Variants in SLC2A14 observed in about 807,000 individuals in gnomAD.
SLC2A14 encodes solute carrier family 2, facilitated glucose transporter member 14.
In SLC2A14, 13 loss-of-function variants were observed where a neutral mutation model predicts 43.0. The ratio of observed to expected loss-of-function variants is 0.30; its 90% CI spans 0.20 to 0.48. SLC2A14 has a LOEUF of 0.48. Among genes scored for constraint, SLC2A14 ranks in the 20% least tolerant of loss-of-function variants. SLC2A14 has a pLI of 0.99. For synonymous variants in SLC2A14, 190 were observed against 233.8 expected, an observed-to-expected ratio of 0.81 and a Z score of 1.71; for missense variants, 428 against 620.4, an observed-to-expected ratio of 0.69 and a Z score of 3.29.
At chr12:7,826,881 CTTTCTTTCT>C (rs1864451797) in intron 7 of SLC2A14, among the ~76,000 whole-genome samples, 5 of 46,464 alleles carry the variant, frequency 1.1e-4, no homozygotes, top group South Asian at 6.4e-4. Context: ...TTCTTTCTTT[CTTTCTTTCT>C]TTCTTTCTTT....
chr12:7,890,870 A>T, intron 1 of SLC2A14: 1 of 1,078,312 alleles, frequency 9.3e-7, no homozygotes, highest in South Asian at 2.0e-5. Flanking sequence ...GGTGGCCTTG[A>T]CAGCCCCCAC....
intron 7 of SLC2A14, among the ~76,000 whole-genome samples, chr12:7,827,068 TC>T (rs1864540712): frequency 5.0e-5 from 4 of 79,512 alleles, no homozygotes; most frequent in African/African-American, 1.2e-4. Context: ...TTTCTTTCTC[TC>T]TCTCTCTTTC....
In SLC2A14 at chr12:7,830,349, C is replaced by G. The variant is rs1398757605; in HGVS notation, c.273-343G>C. Reference sequence around the variant, plus strand: ...TTGTATTTTAGTAGAGATGGGGTTTCACCATCTTGACCAGGCTGGTCTTTA... The same window carrying G: ...TTGTATTTTAGTAGAGATGGGGTTTGACCATCTTGACCAGGCTGGTCTTTA... On this transcript the variant is annotated intron_variant, in intron 4 of 10. Transcript: ENST00000431042. Among the ~76,000 whole-genome samples the G allele has an allele frequency of 3.3e-5, 5 of 152,126 alleles. No individual in the cohort carries two copies. The South Asian group carries it at 1.0e-3, about 32-fold the overall frequency.
intron 2 of SLC2A14, among the ~76,000 whole-genome samples, chr12:7,854,691 A>G (rs761261469): frequency 1.1e-3 from 168 of 151,080 alleles, no homozygotes; most frequent in Non-Finnish European, 4.1e-4. Context: ...CTAATTTTGT[A>G]TTTTTAGTAA....
In SLC2A14 at chr12:7,836,471, C is replaced by T. The variant is rs747983226; in HGVS notation, c.19-3657G>A. Among the ~76,000 whole-genome samples the T allele has an allele frequency of 5.9e-5, 9 of 152,244 alleles. 1 individual carries two copies. The highest frequency in any genetic ancestry group is 2.2e-4 in the African/African-American group (9 of 41,578). ...TCCTGACCTTGTGATCTGCCTGTCTCGGCCTCCCAAACTGCTGGGATTACA... is the reference window on the plus strand; with the variant it reads ...TCCTGACCTTGTGATCTGCCTGTCTTGGCCTCCCAAACTGCTGGGATTACA... On this transcript the variant is annotated intron_variant, in intron 2 of 10. Transcript: ENST00000431042.
intron 1 of SLC2A14, among the ~76,000 whole-genome samples, chr12:7,887,781 A>C (rs1032010170): frequency 3.3e-5 from 5 of 152,108 alleles, no homozygotes; most frequent in Admixed American, 2.0e-4. Context: ...AAGTCTCCCA[A>C]CTGTCATCTC....
chr12:7,844,420 G>A (rs1248018756), intron 2 of SLC2A14, among the ~76,000 whole-genome samples: 4 of 151,970 alleles, frequency 2.6e-5, no homozygotes, highest in Non-Finnish European at 4.4e-5. Flanking sequence ...TCCAGTTCGA[G>A]CTATTATAAA....
At chr12:7,875,463 G>C (rs1945447419), upstream of SLC2A14, among the ~76,000 whole-genome samples, 1 of 150,118 alleles carries the variant, frequency 6.7e-6, no homozygotes, top group African/African-American at 2.5e-5. Flanking sequence ...AGCCAAGATT[G>C]CACCACTGCA....
At chr12:7,857,070 T>C (rs975191647) in intron 2 of SLC2A14, among the ~76,000 whole-genome samples, 5 of 150,008 alleles carry the variant, frequency 3.3e-5, no homozygotes, top group Non-Finnish European at 7.4e-5. Context: ...GCCAACATGG[T>C]GAAACCCCAT....
chr12:7,837,352 G>C (rs1214067838), intron 2 of SLC2A14, among the ~76,000 whole-genome samples: 4 of 152,030 alleles, frequency 2.6e-5, no homozygotes, highest in African/African-American at 9.7e-5. Context: ...AGTAATAAAA[G>C]ATGGTTAACA....
chr12:7,856,202 G>A (rs748984335), intron 2 of SLC2A14: 27 of 152,116 alleles, frequency 1.8e-4, no homozygotes, highest in Non-Finnish European at 3.4e-4. Flanking sequence ...TATAATCCCA[G>A]GTAGTTGGGA....
intron 1 of SLC2A14, chr12:7,870,956 T>C (rs1945194125): frequency 7.0e-7 from 1 of 1,428,370 alleles, no homozygotes; most frequent in African/African-American, 1.5e-5. Context: ...CATCCAGGAG[T>C]TTAAGGAGGC....
At chr12:7,839,750 C>T (rs1245579895) in intron 2 of SLC2A14, 3 of 436,288 alleles carry the variant, frequency 6.9e-6, no homozygotes. Flanking sequence ...GAGGGCTCTG[C>T]CTCCATGGAG....
In SLC2A14 at chr12:7,832,778, T is replaced by C; in HGVS notation, c.55A>G (p.Thr19Ala). Residue 19 changes from threonine (T) to alanine (A), a missense_variant, in exon 3 of 11, where the codon ACA becomes GCA. Physicochemically the swap from Thr to Ala is moderately conservative, Grantham distance 58. Transcript: ENST00000431042. The stretch of plus-strand genomic sequence containing the variant: ...TAGCCAAACTGGAAAGAGCCGATTG[T>C]AGCAACTGTGATGGCAAAGATCAGA... ...PALIFAITVATIGSFQFGYNT... is the reference protein window; with the variant it reads ...PALIFAITVAAIGSFQFGYNT... The C allele has an allele frequency of 6.2e-7, 1 of 1,614,140 alleles. No homozygotes were observed. Among genetic ancestry groups the C allele is most frequent in the Non-Finnish European group, 8.5e-7 (1 of 1,180,016 alleles).
intron 2 of SLC2A14, among the ~76,000 whole-genome samples, chr12:7,848,140 T>G (rs1324271947): frequency 6.6e-6 from 1 of 152,138 alleles, no homozygotes; most frequent in Non-Finnish European, 1.5e-5. Context: ...TTTATCCTCA[T>G]CTGCCTCCCT....
At chr12:7,878,893 C>T (rs1945511392) in intron 1 of SLC2A14, among the ~76,000 whole-genome samples, 1 of 132,060 alleles carries the variant, frequency 7.6e-6, no homozygotes, top group Non-Finnish European at 1.6e-5. Context: ...AGAAGAATCA[C>T]TTGAACCAGG....
At chr12:7,876,812 C>T (rs748449740), upstream of SLC2A14, among the ~76,000 whole-genome samples, 4 of 151,734 alleles carry the variant, frequency 2.6e-5, no homozygotes, top group Non-Finnish European at 4.4e-5. Context: ...AAAAATTAGG[C>T]GAGTATGGTG....
At chr12:7,882,625 T>G (rs1313120217) in intron 1 of SLC2A14, among the ~76,000 whole-genome samples, 3 of 152,032 alleles carry the variant, frequency 2.0e-5, no homozygotes, top group Admixed American at 2.0e-4. Flanking sequence ...TCACTTGAGC[T>G]CAGGGGTTAA....
At chr12:7,886,341 A>AATTTATTTATTT (rs71038799) in intron 1 of SLC2A14, among the ~76,000 whole-genome samples, 2 of 140,740 alleles carry the variant, frequency 1.4e-5, no homozygotes, top group African/African-American at 5.2e-5. Context: ...AAATTTTTAA[A>AATTTATTTATTT]ATTTATTTAT....
Sources: gnomAD v4.1 joint callset for allele counts (sites outside exome capture counted in the v4.1 genomes callset) on GRCh38, gnomAD v4.1.1 for gene constraint, MANE v1.5 for transcripts, NCBI Gene and HGNC (gene_info 2026-07-23, HGNC 2026-07-21) for gene names.